Variants in TAAR5 observed in about 807,000 individuals in gnomAD.
TAAR5 encodes the protein trace amine associated receptor 5.
TAAR5 carries 27 observed loss-of-function variants against 21.1 expected under a neutral mutation model. That is an observed-to-expected ratio of 1.28 (90% CI 0.94 to 1.76). The LOEUF is 1.76. TAAR5 is among the 40% of genes most tolerant of loss of function. The probability of loss-of-function intolerance (pLI) is 0.00; values close to 1 mark genes in which losing one functional copy is unlikely to be tolerated. For synonymous variants in TAAR5, 203 were observed against 167.5 expected (o/e 1.21, Z -1.64); for missense variants, 495 against 405.6 (o/e 1.22, Z -1.89).
the TAAR5 span, among the ~76,000 whole-genome samples, chr6:132,604,974 G>A: frequency 1.3e-5 from 2 of 152,184 alleles, no homozygotes; most frequent in Admixed American, 6.6e-5. Context: ...ACTCCAGATG[G>A]CCTTTCCTAG....
chr6:132,603,891 A>G, the TAAR5 span, among the ~76,000 whole-genome samples: 1 of 151,960 alleles, frequency 6.6e-6, no homozygotes, highest in Non-Finnish European at 1.5e-5. Context: ...AGGGAATTCA[A>G]TTCACTGGTC....
At position 132,589,267 on chromosome 6, in the gene TAAR5, C is replaced by T. The variant is rs142165413; in HGVS notation, c.420G>A (p.Leu140=). Residue 140 remains leucine, a synonymous_variant, in exon 1 of 1, where the codon CTG becomes CTA. Transcript: ENST00000258034. ...TCACTGTGAACTTGGAGGGATAGAG[C>T]AGGGGGTCACAGATGGCACAGTGGC... is the stretch of plus-strand genomic sequence containing the variant. ...IDRHCAICDP[L]LYPSKFTVRV... 6.2e-7 allele frequency: 1 copy of T among 1,609,778 alleles called. No individual in the cohort carries two copies. Among genetic ancestry groups the T allele is most frequent in the Non-Finnish European group, 8.5e-7 (1 of 1,177,776 alleles).
chr6:132,609,098 G>T, the TAAR5 span: 3 of 444,776 alleles, frequency 6.7e-6, no homozygotes, highest in African/African-American at 6.1e-5. Context: ...GAGTGAAGCT[G>T]TTTGAAATGC....
chr6:132,608,812 C>G, the TAAR5 span: 2 of 455,810 alleles, frequency 4.4e-6, no homozygotes, highest in Non-Finnish European at 8.8e-6. Context: ...AGGAACTGAC[C>G]AGCAAAATGC....
upstream of TAAR5, among the ~76,000 whole-genome samples, chr6:132,592,992 C>G (rs1204418530): frequency 6.6e-6 from 1 of 152,176 alleles, no homozygotes; most frequent in Non-Finnish European, 1.5e-5. Context: ...GCCATATGCC[C>G]TGTCTTTGCA....
chr6:132,599,331 T>C, the TAAR5 span, among the ~76,000 whole-genome samples: 2 of 140,248 alleles, frequency 1.4e-5, no homozygotes, highest in African/African-American at 2.7e-5. Flanking sequence ...TTCTTTTTTT[T>C]TTTTTTTTTT....
chr6:132,615,065 TG>T, the TAAR5 span, among the ~76,000 whole-genome samples: 3 of 152,184 alleles, frequency 2.0e-5, no homozygotes, highest in African/African-American at 7.2e-5. Flanking sequence ...GGTTTCACTG[TG>T]TTGGCCAGGA....
chr6:132,605,132 T>C, the TAAR5 span, among the ~76,000 whole-genome samples: 1 of 152,176 alleles, frequency 6.6e-6, no homozygotes, highest in Non-Finnish European at 1.5e-5. Flanking sequence ...AACTCCTTAA[T>C]CCGGTTTGTA....
chr6:132,593,937 T>C (rs536260881), upstream of TAAR5, among the ~76,000 whole-genome samples: 61 of 152,266 alleles, frequency 4.0e-4, no homozygotes, highest in Middle Eastern at 3.4e-3. Context: ...GCTCCATAAC[T>C]CAGACTTCCT....
chr6:132,608,759 A>C, the TAAR5 span: 1 of 455,896 alleles, frequency 2.2e-6, no homozygotes, highest in African/African-American at 2.0e-5. Context: ...TGCATACCGG[A>C]AACATCGGCC....
chr6:132,608,787 A>G, the TAAR5 span: 30 of 456,026 alleles, frequency 6.6e-5, no homozygotes, highest in African/African-American at 5.6e-4. Context: ...GAACTAAACC[A>G]AAAGAAAAAA....
At chr6:132,595,214 T>A in the TAAR5 span, 1 of 153,582 alleles carries the variant, frequency 6.5e-6, no homozygotes, top group Non-Finnish European at 1.5e-5. Flanking sequence ...GTGATGGCCA[T>A]GGAGAGGATC....
the TAAR5 span, chr6:132,608,812 C>A: frequency 2.2e-6 from 1 of 455,926 alleles, no homozygotes; most frequent in Non-Finnish European, 4.4e-6. Flanking sequence ...AGGAACTGAC[C>A]AGCAAAATGC....
chr6:132,607,741 A>T, the TAAR5 span, among the ~76,000 whole-genome samples: 1 of 152,194 alleles, frequency 6.6e-6, no homozygotes, highest in African/African-American at 2.4e-5. Flanking sequence ...TAGTTTGTAA[A>T]AATGATGGTT....
chr6:132,593,724 G>C (rs148225468), upstream of TAAR5, among the ~76,000 whole-genome samples: 2 of 152,142 alleles, frequency 1.3e-5, no homozygotes, highest in African/African-American at 4.8e-5. Context: ...TACATACATG[G>C]ATCTAAAGTG....
chr6:132,606,637 G>A, the TAAR5 span, among the ~76,000 whole-genome samples: 2 of 152,100 alleles, frequency 1.3e-5, no homozygotes, highest in African/African-American at 2.4e-5. Context: ...TATCAATTAC[G>A]CATTTATTAG....
At chr6:132,616,403 A>C in the TAAR5 span, among the ~76,000 whole-genome samples, 1 of 152,216 alleles carries the variant, frequency 6.6e-6, no homozygotes, top group African/African-American at 2.4e-5. Flanking sequence ...AAAACACCAG[A>C]ACACCAAATA....
At chr6:132,596,200 CT>C in the TAAR5 span, among the ~76,000 whole-genome samples, 1 of 152,254 alleles carries the variant, frequency 6.6e-6, no homozygotes, top group Admixed American at 6.5e-5. Context: ...TCCTTTCCCC[CT>C]GTTTTCGTCT....
the TAAR5 span, among the ~76,000 whole-genome samples, chr6:132,601,408 G>C: frequency 6.6e-6 from 1 of 152,202 alleles, no homozygotes; most frequent in African/African-American, 2.4e-5. Context: ...CTAGAGGACA[G>C]GGTTTAATTC....
Sources: allele counts gnomAD v4.1 joint callset (sites outside exome capture counted in the v4.1 genomes callset), GRCh38; gene constraint gnomAD v4.1.1; transcripts MANE v1.5; gene names NCBI Gene and HGNC (gene_info 2026-07-23, HGNC 2026-07-21).